SLC23A2: variants seen among roughly 807,000 people sequenced by gnomAD.
The protein encoded by SLC23A2 is Na(+)/L-ascorbic acid transporter 2.
A neutral mutation model predicts 73.3 loss-of-function variants in SLC23A2; 36 were observed. That is an observed-to-expected ratio of 0.49 (90% CI 0.38 to 0.65). The LOEUF (loss-of-function observed/expected upper bound fraction) is 0.65. SLC23A2 is among the 30% of genes least tolerant of loss of function. The probability of loss-of-function intolerance (pLI) is 0.00; values close to 1 mark genes in which losing one functional copy is unlikely to be tolerated. For synonymous variants in SLC23A2, 343 were observed against 327.3 expected (o/e 1.05, Z -0.52); for missense variants, 507 against 841.6 (o/e 0.60, Z 4.92).
At position 4,987,849 on chromosome 20, in the gene SLC23A2, A is replaced by AT. The variant is rs555321415; in HGVS notation, c.-282+13556_-282+13557insA. On this transcript the variant is annotated intron_variant, in intron 1 of 16. Coordinates refer to ENST00000338244, the MANE Select transcript of SLC23A2 (RefSeq NM_005116.6). Reference sequence around the variant, plus strand: ...CGACAGAGCAGGACTCCATCTCAAAAAAAAAAAACTATGTATGAGACTGTA... The same window carrying AT: ...CGACAGAGCAGGACTCCATCTCAAAATAAAAAAAACTATGTATGAGACTGTA... Among the ~76,000 whole-genome samples the AT allele has an allele frequency of 3.9e-3, 591 of 152,188 alleles. 6 individuals are homozygous for AT. The highest frequency in any genetic ancestry group is 0.014 in the African/African-American group (561 of 41,514).
At chr20:4,926,846 AC>A (rs1245379511) in intron 3 of SLC23A2, among the ~76,000 whole-genome samples, 7 of 151,952 alleles carry the variant, frequency 4.6e-5, no homozygotes, top group Non-Finnish European at 4.4e-5. Context: ...CACTCATCCA[AC>A]ACAGGATGCC....
At chr20:5,000,224 A>T (rs1208733776) in intron 1 of SLC23A2, among the ~76,000 whole-genome samples, 1 of 152,164 alleles carries the variant, frequency 6.6e-6, no homozygotes. Context: ...GAGGCAGGCA[A>T]CGTCACCTGC....
chr20:5,005,786 G>C (rs2088184247), upstream of SLC23A2, among the ~76,000 whole-genome samples: 1 of 152,066 alleles, frequency 6.6e-6, no homozygotes, highest in Admixed American at 6.6e-5. Context: ...TCAGGAGTTC[G>C]AGACCAGCCT....
At chr20:4,897,087 C>T (rs1043008833) in intron 6 of SLC23A2, among the ~76,000 whole-genome samples, 2 of 152,178 alleles carry the variant, frequency 1.3e-5, no homozygotes, top group East Asian at 1.9e-4. Context: ...CCATGTGCTT[C>T]GATGTCACCA....
chr20:4,862,846 C>G lies in SLC23A2; in HGVS notation c.1418G>C (p.Gly473Ala), dbSNP rs1181365272. ...GGACGCAAAGAGGGCGCTGAACTTCCCGATCATGCCCAGAGCGAGCATGAG... is the reference window on the plus strand; with the variant it reads ...GGACGCAAAGAGGGCGCTGAACTTCGCGATCATGCCCAGAGCGAGCATGAG... Reference protein sequence around the residue: ...AALMLALGMIGKFSALFASLP... With the variant: ...AALMLALGMIAKFSALFASLP... The change falls in exon 14 of 17, where the codon GGG becomes GCG. Residue 473 changes from glycine to alanine, a missense_variant. This residue lies in a region of SLC23A2 where 168 missense variants were observed against 302.3 expected (regional missense o/e 0.56). Transcript: ENST00000338244. The surrounding 1 kb of genome is among the most constrained non-coding windows in gnomAD (Gnocchi z 5.1). 2 of 1,613,970 alleles carry G rather than the reference C, an allele frequency of 1.2e-6. No individual in the cohort carries two copies. Among genetic ancestry groups the G allele is most frequent in the Non-Finnish European group, 1.7e-6 (2 of 1,179,998 alleles).
At chr20:4,958,633 G>T (rs995146350) in intron 2 of SLC23A2, among the ~76,000 whole-genome samples, 2 of 151,640 alleles carry the variant, frequency 1.3e-5, no homozygotes, top group African/African-American at 4.8e-5. Flanking sequence ...TCACCATGAT[G>T]CCAAGGTTGG....
intron 2 of SLC23A2, among the ~76,000 whole-genome samples, chr20:4,937,770 A>T (rs2086982201): frequency 6.6e-6 from 1 of 152,212 alleles, no homozygotes; most frequent in African/African-American, 2.4e-5. Context: ...CTGGACAAAC[A>T]CAGCCCAGGC....
At chr20:4,917,988 A>G (rs1932385352) in intron 3 of SLC23A2, among the ~76,000 whole-genome samples, 1 of 152,256 alleles carries the variant, frequency 6.6e-6, no homozygotes, top group Non-Finnish European at 1.5e-5. Flanking sequence ...TTTTTAATGC[A>G]AAATTTAATT....
At position 4,993,410 on chromosome 20, in the gene SLC23A2, G is replaced by GAAAAAA. The variant is rs3055956; in HGVS notation, c.-282+7990_-282+7995dup. Among the ~76,000 whole-genome samples, 262 of 121,500 alleles carry GAAAAAA rather than the reference G, an allele frequency of 2.2e-3. 6 individuals carry two copies. Among genetic ancestry groups the GAAAAAA allele is most frequent in the Middle Eastern group, 8.8e-3 (2 of 226 alleles). The allele number at this position is 121,500 out of a possible 152,430, so 79.7% of individuals were successfully genotyped here. A position where few individuals can be genotyped will look rare whatever the true frequency, so the allele number is the denominator to read the frequency against. On this transcript the variant is annotated intron_variant, in intron 1 of 16. Transcript: ENST00000338244. ...GTATAGTGCAAATATGCCAAAATCC[G>GAAAAAA]AAAAAAAAAAAAGAAAAAAAGAAAC... is the stretch of plus-strand genomic sequence containing the variant.
At chr20:4,935,225 A>G (rs2086943973) in intron 2 of SLC23A2, among the ~76,000 whole-genome samples, 1 of 151,728 alleles carries the variant, frequency 6.6e-6, no homozygotes, top group South Asian at 2.1e-4. Flanking sequence ...TACCAACACA[A>G]GCAGCTTACT....
At chr20:4,944,836 C>G (rs1042970964) in intron 2 of SLC23A2, among the ~76,000 whole-genome samples, 3 of 152,130 alleles carry the variant, frequency 2.0e-5, no homozygotes, top group Non-Finnish European at 2.9e-5. Flanking sequence ...GCTTAAATCC[C>G]ATTAAGGGGA....
At position 4,974,678 on chromosome 20, in the gene SLC23A2, A is replaced by G. The variant is rs73599392; in HGVS notation, c.-281-3759T>C. On this transcript the variant is annotated intron_variant, in intron 1 of 16. Transcript: ENST00000338244. ...CCCTTATATCCTTTATCCTTATACTATCATTCCCAATGTTTGTATTTTTTT... is the reference window on the plus strand; with the variant it reads ...CCCTTATATCCTTTATCCTTATACTGTCATTCCCAATGTTTGTATTTTTTT... Among the ~76,000 whole-genome samples the G allele has an allele frequency of 9.7e-3, 1,480 of 152,228 alleles. 31 individuals are homozygous for G. The highest frequency in any genetic ancestry group is 0.034 in the African/African-American group (1,417 of 41,534).
intron 4 of SLC23A2, among the ~76,000 whole-genome samples, chr20:4,907,343 G>A (rs1245401320): frequency 6.6e-6 from 1 of 151,862 alleles, no homozygotes; most frequent in Non-Finnish European, 1.5e-5. Context: ...GCAGGCCCAC[G>A]ATTAGATAAA....
intron 2 of SLC23A2, among the ~76,000 whole-genome samples, chr20:4,934,894 G>GA (rs2086937245): frequency 6.7e-6 from 1 of 149,878 alleles, no homozygotes; most frequent in South Asian, 2.1e-4. Flanking sequence ...CTTCTTGTCA[G>GA]AAAAAAACCA....
chr20:4,953,230 C>T (rs1044523330), intron 2 of SLC23A2, among the ~76,000 whole-genome samples: 3 of 151,922 alleles, frequency 2.0e-5, no homozygotes, highest in Non-Finnish European at 2.9e-5. Flanking sequence ...CACTTGAACC[C>T]GGGAGATGGA....
At chr20:4,860,698 G>A (rs571612719) in intron 15 of SLC23A2, among the ~76,000 whole-genome samples, 2 of 152,176 alleles carry the variant, frequency 1.3e-5, no homozygotes, top group Non-Finnish European at 2.9e-5. Flanking sequence ...TGGATGAATC[G>A]ATAAACAATT....
chr20:4,912,202 AAGG>A (rs953107861), intron 4 of SLC23A2, among the ~76,000 whole-genome samples: 1 of 151,942 alleles, frequency 6.6e-6, no homozygotes, highest in African/African-American at 2.4e-5. Context: ...CTGACCATTC[AAGG>A]AGATGGAACG....
In SLC23A2 at chr20:4,884,745, TC is replaced by T. The variant is rs1470096502; in HGVS notation, c.642+7del. ...AGAAGCCAAAAGCAGACAACGCTTG[TC>T]TTTTACCTCTCGGATCCGGGGATAC... On this transcript the variant is annotated splice_region_variant and intron_variant, in intron 8 of 16. Coordinates refer to ENST00000338244, the MANE Select transcript of SLC23A2 (RefSeq NM_005116.6). The T allele has an allele frequency of 1.2e-5, 19 of 1,603,880 alleles. No individual in the cohort carries two copies. The highest frequency in any genetic ancestry group is 1.5e-5 in the Non-Finnish European group (18 of 1,171,102).
In SLC23A2 at chr20:4,857,318, ACAC is replaced by A; in HGVS notation, c.1721-117_1721-115del. ...CACACACACACACACACACACACAC[ACAC>A]ACACACACACACACATGGTCCCACA... On this transcript the variant is annotated intron_variant, in intron 16 of 16. Transcript: ENST00000338244. This position sits in a 1 kb window ranked among gnomAD's most constrained non-coding sequence, Gnocchi z 4.0. 1 of 592,200 alleles carries A rather than the reference ACAC, an allele frequency of 1.7e-6. No individual in the cohort carries two copies. Among genetic ancestry groups the A allele is most frequent in the Non-Finnish European group, 3.0e-6 (1 of 334,484 alleles). 36.7% of individuals were successfully genotyped at this position (592,200 alleles called of 1,614,324 possible). A position where few individuals can be genotyped will look rare whatever the true frequency, so the allele number is the denominator to read the frequency against.
Sources: allele counts gnomAD v4.1 joint callset (sites outside exome capture counted in the v4.1 genomes callset), GRCh38; gene constraint gnomAD v4.1.1; regional missense constraint gnomAD v4.1.1; non-coding constraint Gnocchi (gnomAD v3.1); transcripts MANE v1.5; gene names NCBI Gene and HGNC (gene_info 2026-07-23, HGNC 2026-07-21).